The following SLC24A4 variants were observed in gnomAD, a reference collection of about 807,000 sequenced individuals.
SLC24A4 encodes solute carrier family 24 member 4.
In SLC24A4, 53 loss-of-function variants were observed where a neutral mutation model predicts 79.0. The ratio of observed to expected loss-of-function variants is 0.67; its 90% confidence interval spans 0.54 to 0.84. The LOEUF is 0.84. Ranked by LOEUF, SLC24A4 falls within the 40% of genes least tolerant of loss-of-function variation. The pLI is 0.00. For synonymous variants in SLC24A4, 323 were observed against 323.8 expected, an observed-to-expected ratio of 1.00 and a Z score of 0.03; for missense variants, 731 against 822.0, an observed-to-expected ratio of 0.89 and a Z score of 1.35.
chr14:92,371,711 C>T (rs1888166205), intron 2 of SLC24A4, among the ~76,000 whole-genome samples: 1 of 152,264 alleles, frequency 6.6e-6, no homozygotes, highest in African/African-American at 2.4e-5. Context: ...TGTGTGTCCA[C>T]ATCCTTGATC....
intron 2 of SLC24A4, among the ~76,000 whole-genome samples, chr14:92,396,936 A>G (rs1889812053): frequency 6.6e-6 from 1 of 151,294 alleles, no homozygotes; most frequent in South Asian, 2.1e-4. Context: ...ACACAGTGCT[A>G]CCCTGGAGAT....
At chr14:92,382,275 A>G (rs1243102728) in intron 2 of SLC24A4, among the ~76,000 whole-genome samples, 1 of 152,140 alleles carries the variant, frequency 6.6e-6, no homozygotes, top group Non-Finnish European at 1.5e-5. Context: ...CAATTATCAA[A>G]CATATATATA....
intron 2 of SLC24A4, among the ~76,000 whole-genome samples, chr14:92,396,355 G>A (rs1395580737): frequency 6.6e-6 from 1 of 152,204 alleles, no homozygotes; most frequent in African/African-American, 2.4e-5. Context: ...TCAATTTGCT[G>A]TGGAGTGATG....
chr14:92,354,946 C>T (rs1197333187), intron 2 of SLC24A4, among the ~76,000 whole-genome samples: 1 of 152,166 alleles, frequency 6.6e-6, no homozygotes, highest in African/African-American at 2.4e-5. Context: ...TGGTGGTGCA[C>T]ATCTGTGATC....
At chr14:92,460,852 G>A (rs1893759773) in intron 12 of SLC24A4, among the ~76,000 whole-genome samples, 1 of 152,204 alleles carries the variant, frequency 6.6e-6, no homozygotes, top group Admixed American at 6.5e-5. Flanking sequence ...TGCCGGGGTG[G>A]AGCCCGGCAG....
intron 2 of SLC24A4, among the ~76,000 whole-genome samples, chr14:92,337,691 G>A (rs1885892344): frequency 6.6e-6 from 1 of 152,194 alleles, no homozygotes; most frequent in South Asian, 2.1e-4. Flanking sequence ...GTATCTGCCT[G>A]CCACTCAATA....
chr14:92,427,105 C>T (rs1327502800), intron 2 of SLC24A4, among the ~76,000 whole-genome samples: 1 of 152,222 alleles, frequency 6.6e-6, no homozygotes, highest in African/African-American at 2.4e-5. Context: ...CAAAAATGTT[C>T]TGCCTGGTAA....
rs369619660 is a variant in SLC24A4, at chr14:92,325,959, C to T, written c.222C>T (p.Ala74=). 235 of 1,610,070 alleles carry T rather than the reference C, an allele frequency of 1.5e-4. No individual in the cohort carries two copies. The highest frequency in any genetic ancestry group is 1.9e-4 in the Non-Finnish European group (223 of 1,177,110). ...LMAPVNGTQT[A]KNCTDPAIHE... ...CCCCAGTGAATGGGACACAGACAGC[C>T]AAGAACTGCACAGATCCTGGTAAGA... Residue 74 remains alanine, a synonymous_variant, in exon 2 of 17, where the codon GCC becomes GCT. Transcript: ENST00000532405.
intron 2 of SLC24A4, among the ~76,000 whole-genome samples, chr14:92,382,090 G>A (rs998333181): frequency 2.0e-5 from 3 of 151,124 alleles, no homozygotes; most frequent in African/African-American, 4.9e-5. Context: ...CTGCATTCCT[G>A]TATATATATA....
chr14:92,347,730 C>T (rs1476350189), intron 2 of SLC24A4, among the ~76,000 whole-genome samples: 1 of 152,112 alleles, frequency 6.6e-6, no homozygotes, highest in Non-Finnish European at 1.5e-5. Flanking sequence ...AGTTCAAGCC[C>T]AGCCTGGCCA....
intron 12 of SLC24A4, among the ~76,000 whole-genome samples, chr14:92,475,406 T>C (rs1894708667): frequency 6.6e-6 from 1 of 152,232 alleles, no homozygotes; most frequent in Non-Finnish European, 1.5e-5. Flanking sequence ...CCAGGAGCTG[T>C]TACCAGCTGT....
intron 12 of SLC24A4, among the ~76,000 whole-genome samples, chr14:92,471,725 G>A (rs144610540): frequency 2.6e-5 from 4 of 152,182 alleles, no homozygotes; most frequent in East Asian, 1.9e-4. Context: ...CCACCCAGAC[G>A]TCAAGGAAAG....
chr14:92,443,626 C>G, intron 7 of SLC24A4, 152 bp downstream of exon 7: 2 of 785,726 alleles, frequency 2.5e-6, no homozygotes, highest in Non-Finnish European at 4.2e-6. Flanking sequence ...GTCACAGTGA[C>G]CAGCGCCCCG....
At chr14:92,489,487 CT>C (rs1166314672) in intron 14 of SLC24A4, among the ~76,000 whole-genome samples, 1 of 152,156 alleles carries the variant, frequency 6.6e-6, no homozygotes, top group African/African-American at 2.4e-5. Context: ...TGTTCAGAGC[CT>C]GCTGTACAAA....
intron 2 of SLC24A4, among the ~76,000 whole-genome samples, chr14:92,349,875 G>C (rs769109177): frequency 6.6e-6 from 1 of 152,204 alleles, no homozygotes; most frequent in Non-Finnish European, 1.5e-5. Context: ...TTGAAGTATG[G>C]ATAAAGGAGC....
chr14:92,434,056 A>T, intron 3 of SLC24A4, 68 bp downstream of exon 3: 1 of 1,229,108 alleles, frequency 8.1e-7, no homozygotes, highest in Non-Finnish European at 1.2e-6. Context: ...AGCGGGGCAG[A>T]GCCGTGGCGT....
intron 2 of SLC24A4, 105 bp downstream of exon 2, chr14:92,326,083 T>C (rs2141586134): frequency 1.4e-6 from 1 of 737,512 alleles, no homozygotes; most frequent in East Asian, 2.7e-5. Flanking sequence ...AGGTGGTTTA[T>C]GGACTTGAGT....
intron 10 of SLC24A4, among the ~76,000 whole-genome samples, chr14:92,449,692 G>A (rs1432357785): frequency 6.6e-6 from 1 of 152,194 alleles, no homozygotes; most frequent in Admixed American, 6.5e-5. Flanking sequence ...TTCTCGGGCT[G>A]GGAACTGTTG....
chr14:92,371,586 T>C (rs1437903422), intron 2 of SLC24A4, among the ~76,000 whole-genome samples: 2 of 152,164 alleles, frequency 1.3e-5, no homozygotes, highest in Non-Finnish European at 1.5e-5. Context: ...ACTAACTCAT[T>C]TATAAAAACC....
Sources: gnomAD v4.1 joint callset for allele counts (sites outside exome capture counted in the v4.1 genomes callset) on GRCh38, gnomAD v4.1.1 for gene constraint, MANE v1.5 for transcripts, NCBI Gene and HGNC (gene_info 2026-07-23, HGNC 2026-07-21) for gene names.